The following PLPPR2 variants were observed in gnomAD, a reference collection of about 807,000 sequenced individuals.
PLPPR2 encodes phospholipid phosphatase related 2, also known as phospholipid phosphatase-related protein type 2.
Under a neutral mutation model 40.3 loss-of-function variants are expected in PLPPR2, and 11 were observed. That is an observed-to-expected ratio of 0.27 (90% CI 0.17 to 0.45). The LOEUF (loss-of-function observed/expected upper bound fraction) is 0.45, where lower values mean the gene tolerates loss of function less well. Among genes scored for constraint, PLPPR2 ranks in the 20% least tolerant of loss-of-function variants. The pLI is 1.00. For synonymous variants in PLPPR2, 260 were observed against 290.8 expected (o/e 0.89, Z 1.08); for missense variants, 497 against 640.7 (o/e 0.78, Z 2.42).
rs776104432 is a variant in PLPPR2 at position 11,359,855 on chromosome 19, C to G, written c.290C>G (p.Pro97Arg). The change falls in exon 5 of 10, where the codon CCT becomes CGT. Residue 97 changes from proline (P) to arginine (R), a missense_variant. Pro to Arg is a moderately radical substitution (Grantham distance 103). Coordinates refer to ENST00000688289, the MANE Select transcript of PLPPR2 (RefSeq NM_001393892.1). The surrounding 1 kb of genome is among the most constrained non-coding windows in gnomAD (Gnocchi z 5.6). The part of the protein sequence containing the change: ...LLGELARAFF[P>R]APPSAVPVIG... ...GGAGAGCTGGCGCGTGCCTTTTTCC[C>G]TGCACCACCTTCAGCCGTCCCAGTC... 6.2e-7 allele frequency: 1 copy of G among 1,613,530 alleles called. No homozygotes were observed. Among genetic ancestry groups the G allele is most frequent in the Non-Finnish European group, 8.5e-7 (1 of 1,179,690 alleles).
chr19:11,364,520 T>C lies in PLPPR2; in HGVS notation c.1189T>C (p.Ser397Pro). Residue 397 changes from serine to proline, a missense_variant, in exon 10 of 10, where the codon TCC (serine) becomes CCC (proline). Physicochemically the swap from Ser to Pro is moderately conservative, Grantham distance 74. Transcript: ENST00000688289. This position sits in a 1 kb window ranked among gnomAD's most constrained non-coding sequence, Gnocchi z 5.8. ...CACCCCCAGCCAGGGCCCCTCGCCT[T>C]CCTCCCCTGGACCTGGGGGGCCAGG... ...APTPSQGPSP[S>P]SPGPGGPGGG... 6.5e-7 allele frequency: 1 copy of C among 1,532,744 alleles called. No individual in the cohort carries two copies. Among genetic ancestry groups the C allele is most frequent in the Non-Finnish European group, 8.7e-7 (1 of 1,144,436 alleles). 94.9% of individuals were successfully genotyped at this position (1,532,744 alleles called of 1,614,324 possible).
chr19:11,359,350 T>C lies in PLPPR2; in HGVS notation c.67-182T>C, dbSNP rs184602762. ...TTTCTCCTAAGCCCTGACCCTTCTC[T>C]CACCTCCTTTCCCCATTTCTCTCAG... On this transcript the variant is annotated intron_variant, in intron 3 of 9. Transcript: ENST00000688289. The surrounding 1 kb of genome is among the most constrained non-coding windows in gnomAD (Gnocchi z 5.6). The C allele has an allele frequency of 7.1e-5, 37 of 520,510 alleles. No individual in the cohort carries two copies. The African/African-American group carries it at 7.2e-4, about 10-fold the overall frequency. The allele number at this position is 520,510 out of a possible 1,614,324, so 32.2% of individuals were successfully genotyped here. A position where few individuals can be genotyped will look rare whatever the true frequency, so the allele number is the denominator to read the frequency against.
Position 11,364,321 on chromosome 19 carries a change from C to A in PLPPR2, c.1016-26C>A, listed in dbSNP as rs903394440. The stretch of plus-strand genomic sequence containing the variant: ...TGCTGCCTCCCGAGTTTTCTGATCC[C>A]CTGATATCTGGCTTCTGACCACCAG... On this transcript the variant is annotated intron_variant, in intron 9 of 9. Transcript: ENST00000688289. This position sits in a 1 kb window ranked among gnomAD's most constrained non-coding sequence, Gnocchi z 5.8. The A allele has an allele frequency of 3.3e-6, 5 of 1,520,704 alleles. No homozygotes were observed. In the African/African-American group the frequency reaches 5.6e-5, roughly 17 times the overall value. The allele number at this position is 1,520,704 out of a possible 1,614,324, so 94.2% of individuals were successfully genotyped here.
In PLPPR2 at chr19:11,359,454, T is replaced by G; in HGVS notation, c.67-78T>G. ...CCATGTTTCTCCATCTCTGTATCTC[T>G]GCCTCTGTGGCCTCAGCTGGAGTCC... On this transcript the variant is annotated intron_variant, in intron 3 of 9. Coordinates refer to ENST00000688289, the MANE Select transcript of PLPPR2 (RefSeq NM_001393892.1). The surrounding 1 kb of genome is among the most constrained non-coding windows in gnomAD (Gnocchi z 5.6). The G allele has an allele frequency of 7.4e-7, 1 of 1,351,990 alleles. No individual in the cohort carries two copies. The highest frequency in any genetic ancestry group is 2.5e-5 in the East Asian group (1 of 39,324). The allele number at this position is 1,351,990 out of a possible 1,614,324, so 83.7% of individuals were successfully genotyped here. A position where few individuals can be genotyped will look rare whatever the true frequency, so the allele number is the denominator to read the frequency against.
rs928149538 is a variant in PLPPR2 at position 11,361,099 on chromosome 19, A to G, written c.392-118A>G. On this transcript the variant is annotated intron_variant, in intron 5 of 9. Transcript: ENST00000688289. This position sits in a 1 kb window ranked among gnomAD's most constrained non-coding sequence, Gnocchi z 6.3. ...AAGGAAGGGGGATGTTGGCACAACT[A>G]CAGGGTCCCAAGTGTGCTTTAATGA... 20 of 1,309,156 alleles carry G rather than the reference A, an allele frequency of 1.5e-5. No homozygotes were observed. Among genetic ancestry groups the G allele is most frequent in the Non-Finnish European group, 2.1e-5 (20 of 972,306 alleles). The allele number at this position is 1,309,156 out of a possible 1,614,324, so 81.1% of individuals were successfully genotyped here. A position where few individuals can be genotyped will look rare whatever the true frequency, so the allele number is the denominator to read the frequency against.
Position 11,362,668 on chromosome 19 carries a change from G to T in PLPPR2, c.819G>T (p.Gly273=). The T allele has an allele frequency of 6.2e-7, 1 of 1,612,910 alleles. No homozygotes were observed. Among genetic ancestry groups the T allele is most frequent in the Non-Finnish European group, 8.5e-7 (1 of 1,179,248 alleles). ...ACGTGCTGGCTGGCTTCCTGACAGG[G>T]GCGGCCATCGCCACCTTTTTGGTGA... ...WSDVLAGFLT[G]AAIATFLVTC... Residue 273 remains glycine, a synonymous_variant, in exon 7 of 10, where the codon GGG becomes GGT. Coordinates refer to ENST00000688289, the MANE Select transcript of PLPPR2 (RefSeq NM_001393892.1). This position sits in a 1 kb window ranked among gnomAD's most constrained non-coding sequence, Gnocchi z 5.3.
At position 11,359,925 on chromosome 19, in the gene PLPPR2, C is replaced by T. The variant is rs201978882; in HGVS notation, c.360C>T (p.Ser120=). The change falls in exon 5 of 10, where the codon AGC becomes AGT. Residue 120 remains serine, a synonymous_variant. Coordinates refer to ENST00000688289, the MANE Select transcript of PLPPR2 (RefSeq NM_001393892.1). The surrounding 1 kb of genome is among the most constrained non-coding windows in gnomAD (Gnocchi z 5.6). The part of the protein sequence containing the change: ...TIVSGACCRF[S]PPVRRLVRFL... Reference sequence around the variant, plus strand: ...TGTCTGGGGCCTGCTGCCGCTTCAGCCCCCCAGTGCGGAGGCTGGTCCGCT... The same window carrying T: ...TGTCTGGGGCCTGCTGCCGCTTCAGTCCCCCAGTGCGGAGGCTGGTCCGCT... The T allele has an allele frequency of 1.9e-6, 3 of 1,611,462 alleles. No individual in the cohort carries two copies. Among genetic ancestry groups the T allele is most frequent in the Non-Finnish European group, 2.5e-6 (3 of 1,178,682 alleles).
rs754065799 is a variant in PLPPR2 at position 11,364,145 on chromosome 19, T to C, written c.964-16T>C. ...CAGGGGGCCACTAGCCCCTTCCGTC[T>C]GTCTCTTTGTCTCAGGAACCCGAGG... On this transcript the variant is annotated splice_polypyrimidine_tract_variant and intron_variant, in intron 8 of 9. Coordinates refer to ENST00000688289, the MANE Select transcript of PLPPR2 (RefSeq NM_001393892.1). The surrounding 1 kb of genome is among the most constrained non-coding windows in gnomAD (Gnocchi z 5.8). 2.5e-6 allele frequency: 4 copies of C among 1,607,818 alleles called. No homozygotes were observed. The highest frequency in any genetic ancestry group is 1.3e-5 in the African/African-American group (1 of 74,854).
intron 5 of PLPPR2, among the ~76,000 whole-genome samples, chr19:11,360,832 T>C (rs1484924501): frequency 6.6e-6 from 1 of 151,876 alleles, no homozygotes; most frequent in African/African-American, 2.4e-5. Flanking sequence ...TTGAACTCAG[T>C]AGTAGCCAGT....
rs1968047545 is a variant in PLPPR2, at chr19:11,361,588, C to T, written c.663+100C>T. ...GGTTGGAGCCTCTGCTCTTCCACGC[C>T]CCGGGTGCTGTTGGAAGCTCTCGCT... On this transcript the variant is annotated intron_variant, in intron 6 of 9. Transcript: ENST00000688289. This position sits in a 1 kb window ranked among gnomAD's most constrained non-coding sequence, Gnocchi z 6.3. 6.8e-7 allele frequency: 1 copy of T among 1,471,484 alleles called. No homozygotes were observed. Among genetic ancestry groups the T allele is most frequent in the Non-Finnish European group, 9.0e-7 (1 of 1,104,998 alleles). The allele number at this position is 1,471,484 out of a possible 1,614,324, so 91.2% of individuals were successfully genotyped here. A position where few individuals can be genotyped will look rare whatever the true frequency, so the allele number is the denominator to read the frequency against.
intron 5 of PLPPR2, among the ~76,000 whole-genome samples, chr19:11,360,885 T>C (rs1968024316): frequency 6.6e-6 from 1 of 152,024 alleles, no homozygotes; most frequent in African/African-American, 2.4e-5. Flanking sequence ...CATTAGGGTT[T>C]TCCCTAGCCG....
Position 11,362,606 on chromosome 19 carries a change from G to A in PLPPR2, c.757G>A (p.Val253Met). ...GCTGTGCCCGGCCTTCCTGGTGGGC[G>A]TGGTCCGCGTGGCCGAGTACCGAAA... ...ALLCPAFLVG[V>M]VRVAEYRNHW... The change falls in exon 7 of 10, where the codon GTG (valine) becomes ATG (methionine). Residue 253 changes from valine to methionine, a missense_variant. By Grantham distance (21) the Val-to-Met change is conservative. Coordinates refer to ENST00000688289, the MANE Select transcript of PLPPR2 (RefSeq NM_001393892.1). The surrounding 1 kb of genome is among the most constrained non-coding windows in gnomAD (Gnocchi z 5.3). 1.9e-6 allele frequency: 3 copies of A among 1,613,588 alleles called. No homozygotes were observed. The highest frequency in any genetic ancestry group is 1.7e-5 in the Admixed American group (1 of 60,018).
At position 11,359,568 on chromosome 19, in the gene PLPPR2, C is replaced by T. The variant is rs144674599; in HGVS notation, c.103C>T (p.Arg35Cys). Residue 35 changes from arginine to cysteine, a missense_variant, in exon 4 of 10, where the codon CGC (arginine) becomes TGC (cysteine). Arg to Cys is a radical substitution (Grantham distance 180, BLOSUM62 -3). Transcript: ENST00000688289. The surrounding 1 kb of genome is among the most constrained non-coding windows in gnomAD (Gnocchi z 5.6). ...GGGCATTGTGATCCTGCTTGCTTAC[C>T]GCCTGGAGTTCACGGACACCTTCCC... is the stretch of plus-strand genomic sequence containing the variant. ...LLGIVILLAYRLEFTDTFPVH... is the reference protein window; with the variant it reads ...LLGIVILLAYCLEFTDTFPVH... 70 of 1,590,328 alleles carry T rather than the reference C, an allele frequency of 4.4e-5. No individual in the cohort carries two copies. The highest frequency in any genetic ancestry group is 1.7e-4 in the Middle Eastern group (1 of 5,980).
At position 11,362,485 on chromosome 19, in the gene PLPPR2, TC is replaced by T; in HGVS notation, c.664-23del. The T allele has an allele frequency of 6.2e-7, 1 of 1,606,380 alleles. No homozygotes were observed. On this transcript the variant is annotated intron_variant, in intron 6 of 9. Transcript: ENST00000688289. The surrounding 1 kb of genome is among the most constrained non-coding windows in gnomAD (Gnocchi z 5.3). ...TGGGTTCGGCGACTTGCCTCCGCTA[TC>T]CCCCTGACCAGTCCGGCTCCCCGCA...
intron 3 of PLPPR2, among the ~76,000 whole-genome samples, 166 bp downstream of exon 3, chr19:11,357,905 G>C (rs923358957): frequency 2.6e-5 from 4 of 151,964 alleles, no homozygotes; most frequent in Non-Finnish European, 4.4e-5. Context: ...CACTCCCCGG[G>C]GTCCAATCCC....
rs543476986 is a variant in PLPPR2, at chr19:11,362,328, C to G, written c.664-185C>G. 15 of 582,428 alleles carry G rather than the reference C, an allele frequency of 2.6e-5. No homozygotes were observed. The highest frequency in any genetic ancestry group is 1.3e-4 in the African/African-American group (7 of 53,724). 36.1% of individuals were successfully genotyped at this position (582,428 alleles called of 1,614,324 possible). On this transcript the variant is annotated intron_variant, in intron 6 of 9. Transcript: ENST00000688289. The surrounding 1 kb of genome is among the most constrained non-coding windows in gnomAD (Gnocchi z 5.3). ...AAGACCTCAATCCCTGACCCCCCCC[C>G]CTTTGCCTTTTTGGTCACGCTCCCT...
rs532707134 is a variant in PLPPR2, at chr19:11,364,010, G to A, written c.964-151G>A. 59 of 1,331,876 alleles carry A rather than the reference G, an allele frequency of 4.4e-5. 1 individual carries two copies. The South Asian group carries it at 7.8e-4, about 18-fold the overall frequency. 82.5% of individuals were successfully genotyped at this position (1,331,876 alleles called of 1,614,324 possible). A position where few individuals can be genotyped will look rare whatever the true frequency, so the allele number is the denominator to read the frequency against. On this transcript the variant is annotated intron_variant, in intron 8 of 9. Coordinates refer to ENST00000688289, the MANE Select transcript of PLPPR2 (RefSeq NM_001393892.1). This position sits in a 1 kb window ranked among gnomAD's most constrained non-coding sequence, Gnocchi z 5.8. ...GGACAGCCCCAAAGAATGAAAGGGA[G>A]CACCCCCGTCTTCTTCCCAGGGGGA...
At chr19:11,357,533 G>A in intron 2 of PLPPR2, 127 bp from the exon 3 acceptor site, 1 of 578,648 alleles carries the variant, frequency 1.7e-6, no homozygotes, top group Non-Finnish European at 2.9e-6. Flanking sequence ...CAGAGTCAGG[G>A]CCTCCCCGGG....
chr19:11,364,698 C>A lies in PLPPR2; in HGVS notation c.*8C>A. ...CGTGACCACCTGCTGTGAGGCCCGA[C>A]CACCCACCCAGAATCTGCCCAGTCC... On this transcript the variant is annotated 3_prime_UTR_variant, in exon 10 of 10. Transcript: ENST00000688289. The surrounding 1 kb of genome is among the most constrained non-coding windows in gnomAD (Gnocchi z 5.8). The A allele has an allele frequency of 6.5e-7, 1 of 1,537,158 alleles. No individual in the cohort carries two copies. Among genetic ancestry groups the A allele is most frequent in the South Asian group, 1.2e-5 (1 of 84,060 alleles).
Sources: allele counts gnomAD v4.1 joint callset (sites outside exome capture counted in the v4.1 genomes callset), GRCh38; gene constraint gnomAD v4.1.1; non-coding constraint Gnocchi (gnomAD v3.1); transcripts MANE v1.5; gene names NCBI Gene and HGNC (gene_info 2026-07-23, HGNC 2026-07-21).